CHD1: variants seen among roughly 807,000 people sequenced by gnomAD.
The protein encoded by CHD1 is ATP-dependent chromatin remodeler CHD1.
In CHD1, 36 loss-of-function variants were observed where a neutral mutation model predicts 224.2. The observed-to-expected ratio is 0.16, with a 90% CI of 0.12 to 0.21. CHD1 has a LOEUF of 0.21. CHD1 is among the 10% of genes least tolerant of loss of function. The probability of loss-of-function intolerance (pLI) is 1.00; values close to 1 mark genes in which losing one functional copy is unlikely to be tolerated. For synonymous variants in CHD1, 668 were observed against 658.3 expected (o/e 1.01, Z -0.23); for missense variants, 1,378 against 1,994.8 (o/e 0.69, Z 5.89).
intron 9 of CHD1, 33 bp downstream of exon 9, chr5:98,898,631 A>T (rs1238470620): frequency 7.3e-7 from 1 of 1,371,744 alleles, no homozygotes; most frequent in Non-Finnish European, 1.0e-6. Context: ...CAAGCATAAA[A>T]AGAAAGTTTA....
At chr5:98,904,302 T>A (rs1440886684) in intron 3 of CHD1, among the ~76,000 whole-genome samples, 1 of 152,170 alleles carries the variant, frequency 6.6e-6, no homozygotes, top group Admixed American at 6.6e-5. Context: ...TAGCAACATT[T>A]TTCTCTATGA....
Position 98,915,150 on chromosome 5 carries a change from G to A in CHD1, c.54-10052C>T, listed in dbSNP as rs568628580. ...CACACACATAAATACAAAGTTTGAT[G>A]AAATAGTACAAATAAAAACTATAAA... On this transcript the variant is annotated intron_variant, in intron 2 of 35. Transcript: ENST00000614616. Among the ~76,000 whole-genome samples the A allele has an allele frequency of 7.9e-5, 12 of 152,298 alleles. No homozygotes were observed. In the South Asian group the frequency reaches 2.3e-3, roughly 29 times the overall value.
rs758059158 is a variant in CHD1, at chr5:98,885,627, C to G, written c.2519G>C (p.Gly840Ala). 2 of 1,599,714 alleles carry G rather than the reference C, an allele frequency of 1.3e-6. No homozygotes were observed. The highest frequency in any genetic ancestry group is 2.2e-5 in the South Asian group (2 of 90,188). ...PFQRLDGSIK[G>A]ELRKQALDHF... is the part of the protein sequence containing the mutation. ...ATCTAGAGCTTGTTTCCTCAGTTCT[C>G]CTTTTATTGATCCATCTAATCTCTA... is the stretch of plus-strand genomic sequence containing the variant. Residue 840 changes from glycine (G) to alanine (A), a missense_variant, in exon 18 of 36, where the codon GGA becomes GCA. Around this residue, in one of 16 missense-constraint regions of CHD1, gnomAD observed 57 missense variants for 177.2 expected, o/e 0.32. Coordinates refer to ENST00000614616, the MANE Select transcript of CHD1 (RefSeq NM_001270.4).
At chr5:98,872,282 G>T (rs572884581) in intron 27 of CHD1, 81 bp from the exon 28 acceptor site, 177 of 1,490,648 alleles carry the variant, frequency 1.2e-4, no homozygotes, top group Non-Finnish European at 1.5e-4. Context: ...TGAGTCATTA[G>T]AACTTCAAAA....
rs1188581702 is a variant in CHD1, at chr5:98,855,508, C to T, written c.*872G>A. On this transcript the variant is annotated 3_prime_UTR_variant, in exon 36 of 36. Coordinates refer to ENST00000614616, the MANE Select transcript of CHD1 (RefSeq NM_001270.4). ...TCGCCATTTTTTAAAACTACAAACA[C>T]AATATTGACTAAAAAAGGAAAAAAA... 1 of 151,520 alleles carries T rather than the reference C, an allele frequency of 6.6e-6. No homozygotes were observed. The highest frequency in any genetic ancestry group is 1.5e-5 in the Non-Finnish European group (1 of 67,810). The allele number at this position is 151,520 out of a possible 1,614,324, so 9.4% of individuals were successfully genotyped here.
chr5:98,911,729 T>C (rs530056737), intron 2 of CHD1, among the ~76,000 whole-genome samples: 118 of 152,304 alleles, frequency 7.7e-4, no homozygotes, highest in Non-Finnish European at 1.3e-3. Flanking sequence ...AACTTGGATC[T>C]AATGATAAGT....
chr5:98,882,113 T>C lies in CHD1; in HGVS notation c.2729A>G (p.Tyr910Cys). Residue 910 changes from tyrosine (Y) to cysteine (C), a missense_variant, in exon 20 of 36, where the codon TAT becomes TGT. Around this residue, in one of 16 missense-constraint regions of CHD1, gnomAD observed 57 missense variants for 177.2 expected, o/e 0.32. Transcript: ENST00000614616. ...RIGQKKQVNI[Y>C]RLVTKGSVEE... is the part of the protein sequence containing the mutation. ...AACTGATCCCTTTGTAACTAGACGATAAATATTCACCTGTAAAAATACACA... is the reference window on the plus strand; with the variant it reads ...AACTGATCCCTTTGTAACTAGACGACAAATATTCACCTGTAAAAATACACA... 1 of 1,612,586 alleles carries C rather than the reference T, an allele frequency of 6.2e-7. No homozygotes were observed. Among genetic ancestry groups the C allele is most frequent in the South Asian group, 1.1e-5 (1 of 91,006 alleles).
chr5:98,903,007 G>A (rs904566435), intron 4 of CHD1, 43 bp from the exon 5 acceptor site: 2 of 1,184,014 alleles, frequency 1.7e-6, no homozygotes, highest in Non-Finnish European at 2.5e-6. Flanking sequence ...CTAATGATTA[G>A]AATTTAACCA....
At chr5:98,873,802 C>A in intron 25 of CHD1, 79 bp from the exon 26 acceptor site, 1 of 1,341,094 alleles carries the variant, frequency 7.5e-7, no homozygotes, top group South Asian at 1.4e-5. Context: ...CACTCTATTT[C>A]AAGATCTGAA....
Position 98,869,757 on chromosome 5 carries a change from A to G in CHD1, c.4104T>C (p.Asp1368=), listed in dbSNP as rs772786836. 2.8e-5 allele frequency: 45 copies of G among 1,613,332 alleles called. No homozygotes were observed. The change falls in exon 30 of 36, where the codon GAT becomes GAC. Residue 1368 remains aspartate (D), a synonymous_variant. Transcript: ENST00000614616. ...LPSEKSDEDD[D]KLSESKSDGR... is the part of the protein sequence containing the mutation. ...TTGTTCTAAAACACATTCTTACTTT[A>G]TCATCATCTTCATCAGACTTCTCTG...
In CHD1 at chr5:98,872,576, C is replaced by A. The variant is rs182707487; in HGVS notation, c.3572-21G>T. On this transcript the variant is annotated intron_variant, in intron 26 of 35. Coordinates refer to ENST00000614616, the MANE Select transcript of CHD1 (RefSeq NM_001270.4). ...ACCACCTTGATTTTTTTTAAAAAAACCAGTATTTTTAAAAGTATAAAACAT... is the reference window on the plus strand; with the variant it reads ...ACCACCTTGATTTTTTTTAAAAAAAACAGTATTTTTAAAAGTATAAAACAT... 622 of 1,604,568 alleles carry A rather than the reference C, an allele frequency of 3.9e-4. No individual in the cohort carries two copies. In the African/African-American group the frequency reaches 6.3e-3, roughly 16 times the overall value.
chr5:98,879,402 T>C lies in CHD1; in HGVS notation c.3237+150A>G, dbSNP rs1580404296. 1.1e-5 allele frequency: 6 copies of C among 557,152 alleles called. No homozygotes were observed. In the East Asian group the frequency reaches 2.0e-4, roughly 19 times the overall value. The allele number at this position is 557,152 out of a possible 1,614,324, so 34.5% of individuals were successfully genotyped here. A position where few individuals can be genotyped will look rare whatever the true frequency, so the allele number is the denominator to read the frequency against. On this transcript the variant is annotated intron_variant, in intron 23 of 35. Coordinates refer to ENST00000614616, the MANE Select transcript of CHD1 (RefSeq NM_001270.4). Reference sequence around the variant, plus strand: ...AGATGAATAAAAGAGGAAGAAACACTTCTCAACTCATTTCATGAGGCAAAC... The same window carrying C: ...AGATGAATAAAAGAGGAAGAAACACCTCTCAACTCATTTCATGAGGCAAAC...
At chr5:98,911,584 C>G (rs1360861395) in intron 2 of CHD1, among the ~76,000 whole-genome samples, 1 of 152,128 alleles carries the variant, frequency 6.6e-6, no homozygotes, top group African/African-American at 2.4e-5. Flanking sequence ...AAACCGGACA[C>G]CATGTCCTGG....
At chr5:98,861,007 A>G (rs1302783763) in intron 32 of CHD1, among the ~76,000 whole-genome samples, 1 of 152,170 alleles carries the variant, frequency 6.6e-6, no homozygotes, top group African/African-American at 2.4e-5. Context: ...TTATAAAAAT[A>G]TATTTTCCCC....
intron 2 of CHD1, among the ~76,000 whole-genome samples, chr5:98,921,018 C>T (rs1753060080): frequency 6.6e-6 from 1 of 151,800 alleles, no homozygotes; most frequent in African/African-American, 2.4e-5. Context: ...CAATGAAATC[C>T]AAGTATAGAG....
At chr5:98,872,235 G>T (rs1414013115) in intron 27 of CHD1, 34 bp from the exon 28 acceptor site, 3 of 1,580,906 alleles carry the variant, frequency 1.9e-6, no homozygotes, top group Non-Finnish European at 1.7e-6. Flanking sequence ...TGATAAGTTT[G>T]TAATTGCCTT....
At chr5:98,859,915 A>C in intron 33 of CHD1, 57 bp downstream of exon 33, 1 of 889,828 alleles carries the variant, frequency 1.1e-6, no homozygotes, top group Non-Finnish European at 1.7e-6. Flanking sequence ...CTGTAAAAAG[A>C]ATGTCTCAAG....
chr5:98,858,511 A>C (rs1465577342), intron 34 of CHD1, 121 bp from the exon 35 acceptor site: 3 of 684,340 alleles, frequency 4.4e-6, no homozygotes, highest in Non-Finnish European at 7.5e-6. Context: ...TCCCAAATAC[A>C]AGCAGTTAAA....
rs1580390740 is a variant in CHD1 at position 98,875,089 on chromosome 5, A to G, written c.3423T>C (p.Phe1141=). The change falls in exon 25 of 36, where the codon TTT becomes TTC. Residue 1141 remains phenylalanine, a synonymous_variant. Coordinates refer to ENST00000614616, the MANE Select transcript of CHD1 (RefSeq NM_001270.4). ...GTATTTACCTTTCCAGAGGACCACC[A>G]AATTTCTTATAGCTCTTGATAAACC... ...IRRFIKSYKK[F]GGPLERLDAI... 6.6e-7 allele frequency: 1 copy of G among 1,512,274 alleles called. No homozygotes were observed. The highest frequency in any genetic ancestry group is 9.1e-7 in the Non-Finnish European group (1 of 1,093,620). 93.7% of individuals were successfully genotyped at this position (1,512,274 alleles called of 1,614,324 possible).
Sources: allele counts gnomAD v4.1 joint callset (sites outside exome capture counted in the v4.1 genomes callset), GRCh38; gene constraint gnomAD v4.1.1; regional missense constraint gnomAD v4.1.1; transcripts MANE v1.5; gene names NCBI Gene and HGNC (gene_info 2026-07-23, HGNC 2026-07-21).